Variants in GBP4 observed in about 807,000 individuals in gnomAD.
The protein encoded by GBP4 is guanylate binding protein 4.
Under a neutral mutation model 62.2 loss-of-function variants are expected in GBP4, and 69 were observed. The observed-to-expected ratio is 1.11, with a 90% confidence interval of 0.91 to 1.36. The LOEUF is 1.36. GBP4 is among the 40% of genes most tolerant of loss of function. GBP4 has a pLI of 0.00. For synonymous variants in GBP4, 278 were observed against 274.6 expected, an observed-to-expected ratio of 1.01 and a Z score of -0.12; for missense variants, 697 against 759.3, an observed-to-expected ratio of 0.92 and a Z score of 0.96.
At chr1:89,194,026 T>A (rs1648261809) in intron 3 of GBP4, among the ~76,000 whole-genome samples, 1 of 152,212 alleles carries the variant, frequency 6.6e-6, no homozygotes, top group Non-Finnish European at 1.5e-5. Flanking sequence ...GAAGTGATTA[T>A]GTTTGACAGG....
chr1:89,198,323 T>G (rs534681938), intron 1 of GBP4, among the ~76,000 whole-genome samples: 1 of 151,232 alleles, frequency 6.6e-6, no homozygotes, highest in East Asian at 1.9e-4. Context: ...AGGAAGCGGG[T>G]GGGTAAGGGG....
chr1:89,191,217 C>G, intron 6 of GBP4, 44 bp downstream of exon 6: 1 of 1,601,270 alleles, frequency 6.2e-7, no homozygotes, highest in Non-Finnish European at 8.5e-7. Context: ...TTCAACACAT[C>G]CTGGACCACA....
intron 2 of GBP4, among the ~76,000 whole-genome samples, chr1:89,196,309 C>G (rs1648340081): frequency 6.6e-6 from 1 of 152,042 alleles, no homozygotes; most frequent in South Asian, 2.1e-4. Context: ...GCAAGACATC[C>G]AAAAATACAC....
rs369352687 is a variant in GBP4, at chr1:89,190,886, C to T, written c.916+375G>A. ...ATGACATTTAAATTTGTTTCTCAAA[C>T]TCTCAATGAGCTTGCATGGAACTCA... is the stretch of plus-strand genomic sequence containing the variant. On this transcript the variant is annotated intron_variant, in intron 6 of 10. Coordinates refer to ENST00000355754, the MANE Select transcript of GBP4 (RefSeq NM_052941.5). Among the ~76,000 whole-genome samples, 235 of 152,196 alleles carry T rather than the reference C, an allele frequency of 1.5e-3. 1 individual carries two copies. Among genetic ancestry groups the T allele is most frequent in the Non-Finnish European group, 2.9e-3 (197 of 68,008 alleles).
rs371760420 is a variant in GBP4, at chr1:89,185,181, T to G, written c.*73A>C. 7 of 907,478 alleles carry G rather than the reference T, an allele frequency of 7.7e-6. No homozygotes were observed. In the African/African-American group the frequency reaches 1.2e-4, roughly 15 times the overall value. The allele number at this position is 907,478 out of a possible 1,614,324, so 56.2% of individuals were successfully genotyped here. A position where few individuals can be genotyped will look rare whatever the true frequency, so the allele number is the denominator to read the frequency against. On this transcript the variant is annotated 3_prime_UTR_variant, in exon 11 of 11. Coordinates refer to ENST00000355754, the MANE Select transcript of GBP4 (RefSeq NM_052941.5). Reference sequence around the variant, plus strand: ...TGCTATAACACATATACTTACAAAATGAGCAACAGTGTTATGTTATTAAAA... The same window carrying G: ...TGCTATAACACATATACTTACAAAAGGAGCAACAGTGTTATGTTATTAAAA...
In GBP4 at chr1:89,193,428, A is replaced by C; in HGVS notation, c.364-16T>G. On this transcript the variant is annotated splice_polypyrimidine_tract_variant and intron_variant, in intron 3 of 10. Transcript: ENST00000355754. ...TAGGGTTACTCTAGAAAGCATATAA[A>C]GCAAAAGACTTAGGAGTATTCTCTT... The C allele has an allele frequency of 1.9e-6, 3 of 1,595,560 alleles. No individual in the cohort carries two copies. Among genetic ancestry groups the C allele is most frequent in the Non-Finnish European group, 2.6e-6 (3 of 1,163,344 alleles).
At chr1:89,190,913 G>T (rs1231512619) in intron 6 of GBP4, among the ~76,000 whole-genome samples, 3 of 151,928 alleles carry the variant, frequency 2.0e-5, no homozygotes, top group Admixed American at 6.6e-5. Flanking sequence ...TGGAACTCAT[G>T]GCCTGATGTT....
rs958389195 is a variant in GBP4 at position 89,182,551 on chromosome 1, G to T, written c.*2703C>A. 6.8e-6 allele frequency: 1 copy of T among 146,434 alleles called. No individual in the cohort carries two copies. Among genetic ancestry groups the T allele is most frequent in the Non-Finnish European group, 1.5e-5 (1 of 67,434 alleles). The allele number at this position is 146,434 out of a possible 1,614,324, so 9.1% of individuals were successfully genotyped here. A position where few individuals can be genotyped will look rare whatever the true frequency, so the allele number is the denominator to read the frequency against. Reference sequence around the variant, plus strand: ...GGCTGGAGTGCAGTGGCGCGATCTCGACTCACTGCAAGCTCCGCCTCCTGG... The same window carrying T: ...GGCTGGAGTGCAGTGGCGCGATCTCTACTCACTGCAAGCTCCGCCTCCTGG... On this transcript the variant is annotated 3_prime_UTR_variant, in exon 11 of 11. Transcript: ENST00000355754.
In GBP4 at chr1:89,192,965, C is replaced by T; in HGVS notation, c.609G>A (p.Lys203=). Residue 203 remains lysine (K), a synonymous_variant, in exon 5 of 11, where the codon AAG becomes AAA. Transcript: ENST00000355754. ...WTVRDFTLEL[K]LDGNPITEDE... ...CTTCTGTGATGGGGTTTCCATCTAA[C>T]TTTAGCTCCAGGGTAAAATCCCGAA... The T allele has an allele frequency of 6.2e-7, 1 of 1,614,184 alleles. No homozygotes were observed. The highest frequency in any genetic ancestry group is 8.5e-7 in the Non-Finnish European group (1 of 1,180,022).
At chr1:89,187,865 G>A (rs966599569) in intron 8 of GBP4, among the ~76,000 whole-genome samples, 1 of 152,120 alleles carries the variant, frequency 6.6e-6, no homozygotes, top group Non-Finnish European at 1.5e-5. Flanking sequence ...GGAGAAAAGG[G>A]AATTCTTGGA....
chr1:89,197,817 G>C (rs1390967073), intron 1 of GBP4, among the ~76,000 whole-genome samples: 1 of 152,112 alleles, frequency 6.6e-6, no homozygotes, highest in Non-Finnish European at 1.5e-5. Flanking sequence ...TCAGCAACAA[G>C]CAAGGAACAT....
chr1:89,191,278 A>T lies in GBP4; in HGVS notation c.899T>A (p.Ile300Asn). The T allele has an allele frequency of 1.2e-6, 2 of 1,612,682 alleles. No individual in the cohort carries two copies. The highest frequency in any genetic ancestry group is 1.3e-5 in the African/African-American group (1 of 75,020). Residue 300 changes from isoleucine to asparagine, a missense_variant, in exon 6 of 11, where the codon ATC becomes AAC. Ile to Asn is a moderately radical substitution (Grantham distance 149). This residue lies in a region of GBP4 where 556 missense variants were observed against 562.7 expected (regional missense o/e 0.99). Transcript: ENST00000355754. ...AGACTCACGCTTTCCAGTGACAATG[A>T]TTCCCTCTCTCAGGGTCTTGGTCTT... ...HAKTKTLREG[I>N]IVTGKRLGTL...
At chr1:89,198,303 T>C (rs1009116842) in intron 1 of GBP4, among the ~76,000 whole-genome samples, 1 of 151,840 alleles carries the variant, frequency 6.6e-6, no homozygotes, top group Non-Finnish European at 1.5e-5. Flanking sequence ...TTGCACAAGT[T>C]AAGTCCCTGA....
At chr1:89,192,377 T>G (rs993133071) in intron 5 of GBP4, among the ~76,000 whole-genome samples, 1 of 140,898 alleles carries the variant, frequency 7.1e-6, no homozygotes, top group Admixed American at 7.1e-5. Context: ...AGCATATGTG[T>G]TTTTTTTTAA....
chr1:89,186,645 T>A, intron 9 of GBP4, 119 bp from the exon 10 acceptor site: 1 of 888,254 alleles, frequency 1.1e-6, no homozygotes, highest in Non-Finnish European at 1.7e-6. Flanking sequence ...TGGGAATCTC[T>A]GAATTATCTC....
In GBP4 at chr1:89,189,923, C is replaced by G. The variant is rs576776540; in HGVS notation, c.1197+115G>C. On this transcript the variant is annotated intron_variant, in intron 7 of 10. Transcript: ENST00000355754. Reference sequence around the variant, plus strand: ...ATAGCCCATAGAGCCCTGTTATTCACAAGAAACCATGGTCTTTCCACAGTG... The same window carrying G: ...ATAGCCCATAGAGCCCTGTTATTCAGAAGAAACCATGGTCTTTCCACAGTG... 6.4e-5 allele frequency: 66 copies of G among 1,034,204 alleles called. No individual in the cohort carries two copies. In the African/African-American group the frequency reaches 6.5e-4, roughly 10 times the overall value. The allele number at this position is 1,034,204 out of a possible 1,614,324, so 64.1% of individuals were successfully genotyped here.
In GBP4 at chr1:89,193,061, G is replaced by C. The variant is rs377180415; in HGVS notation, c.513C>G (p.Ser171=). The change falls in exon 5 of 11, where the codon TCC becomes TCG. Residue 171 remains serine, a synonymous_variant. Coordinates refer to ENST00000355754, the MANE Select transcript of GBP4 (RefSeq NM_052941.5). ...CCTCAGCTTCATCAGGTCTGGGGCA[G>C]GATTTTGCCCTGATTAGCTCTGCTA... ...TELAELIRAK[S]CPRPDEAEDS... 23 of 1,614,196 alleles carry C rather than the reference G, an allele frequency of 1.4e-5. No individual in the cohort carries two copies. Among genetic ancestry groups the C allele is most frequent in the African/African-American group, 1.1e-4 (8 of 75,048 alleles).
rs1648106915 is a variant in GBP4 at position 89,188,774 on chromosome 1, C to T, written c.1218G>A (p.Lys406=). The T allele has an allele frequency of 6.8e-6, 11 of 1,614,240 alleles. No individual in the cohort carries two copies. The highest frequency in any genetic ancestry group is 2.7e-5 in the African/African-American group (2 of 75,074). The change falls in exon 8 of 11, where the codon AAG becomes AAA. Residue 406 remains lysine (K), a synonymous_variant. Coordinates refer to ENST00000355754, the MANE Select transcript of GBP4 (RefSeq NM_052941.5). ...CTTCATTCTGCAGCACAAAGTCTCCCTTCTTTTTCTCTATGGTGTCCTGCC... is the reference window on the plus strand; with the variant it reads ...CTTCATTCTGCAGCACAAAGTCTCCTTTCTTTTTCTCTATGGTGTCCTGCC... ...KKLVDTIEKK[K]GDFVLQNEEA... is the part of the protein sequence containing the mutation.
chr1:89,193,480 T>C, intron 3 of GBP4, 68 bp from the exon 4 acceptor site: 1 of 1,371,882 alleles, frequency 7.3e-7, no homozygotes, highest in South Asian at 1.2e-5. Flanking sequence ...CATTTGGTTG[T>C]TCATTAGCTA....
Sources: gnomAD v4.1 joint callset for allele counts (sites outside exome capture counted in the v4.1 genomes callset) on GRCh38, gnomAD v4.1.1 for gene constraint, gnomAD v4.1.1 regional missense constraint, MANE v1.5 for transcripts, NCBI Gene and HGNC (gene_info 2026-07-23, HGNC 2026-07-21) for gene names.